CLCN3: variants seen among roughly 807,000 people sequenced by gnomAD.
CLCN3 encodes the protein Cl-/H+ antiporter 3.
CLCN3 carries 16 observed loss-of-function variants against 83.4 expected under a neutral mutation model. That is an observed-to-expected ratio of 0.19 (90% CI 0.13 to 0.29). CLCN3 has a LOEUF of 0.29. CLCN3 is among the 10% of genes least tolerant of loss of function. The probability of loss-of-function intolerance (pLI) is 1.00; values close to 1 mark genes in which losing one functional copy is unlikely to be tolerated. For missense variants in CLCN3, 544 were observed against 1,006.0 expected, an observed-to-expected ratio of 0.54 and a Z score of 6.21; for synonymous variants, 322 against 346.2, an observed-to-expected ratio of 0.93 and a Z score of 0.78.
chr4:169,713,064 TCTC>T lies in CLCN3; in HGVS notation c.2150-14_2150-12del. On this transcript the variant is annotated splice_polypyrimidine_tract_variant and intron_variant, in intron 11 of 12. Transcript: ENST00000513761. Reference sequence around the variant, plus strand: ...TATCAGTTTAAAAGTGTTGGTCTCTTCTCTCTCTTTTCAGAAAGTGCCAGGAAA... The same window carrying T: ...TATCAGTTTAAAAGTGTTGGTCTCTTTCTCTTTTCAGAAAGTGCCAGGAAA... 6.2e-7 allele frequency: 1 copy of T among 1,606,590 alleles called. No individual in the cohort carries two copies. The highest frequency in any genetic ancestry group is 8.5e-7 in the Non-Finnish European group (1 of 1,173,546).
chr4:169,720,219 T>A lies in CLCN3; in HGVS notation c.*222T>A, dbSNP rs923031600. The A allele has an allele frequency of 3.1e-6, 2 of 635,260 alleles. No individual in the cohort carries two copies. Among genetic ancestry groups the A allele is most frequent in the Admixed American group, 6.0e-5 (2 of 33,526 alleles). 39.4% of individuals were successfully genotyped at this position (635,260 alleles called of 1,614,324 possible). On this transcript the variant is annotated 3_prime_UTR_variant, in exon 13 of 13. Coordinates refer to ENST00000513761, the MANE Select transcript of CLCN3 (RefSeq NM_001829.4). Reference sequence around the variant, plus strand: ...AGAGAGAAGGAAAGGAGTGAGGTATTTCCCGTCTAACAGAAAGCAGCGTAT... The same window carrying A: ...AGAGAGAAGGAAAGGAGTGAGGTATATCCCGTCTAACAGAAAGCAGCGTAT...
At chr4:169,686,916 T>C (rs1732182591) in intron 3 of CLCN3, among the ~76,000 whole-genome samples, 1 of 152,162 alleles carries the variant, frequency 6.6e-6, no homozygotes, top group South Asian at 2.1e-4. Flanking sequence ...GAGGACACTT[T>C]TGCCTTACAC....
chr4:169,654,239 C>T (rs1730818150), intron 2 of CLCN3, among the ~76,000 whole-genome samples: 1 of 151,644 alleles, frequency 6.6e-6, no homozygotes, highest in South Asian at 2.1e-4. Flanking sequence ...CCTCTCCTTC[C>T]CTCCTCCTTT....
At chr4:169,700,743 C>G (rs1732754215) in intron 9 of CLCN3, among the ~76,000 whole-genome samples, 1 of 152,094 alleles carries the variant, frequency 6.6e-6, no homozygotes, top group South Asian at 2.1e-4. Context: ...TAAAGCAAGT[C>G]ACATAAAAGT....
At position 169,704,241 on chromosome 4, in the gene CLCN3, G is replaced by A. The variant is rs186681247; in HGVS notation, c.1750+57G>A. 3,197 of 1,516,248 alleles carry A rather than the reference G, an allele frequency of 2.1e-3. 13 individuals carry two copies. Among genetic ancestry groups the A allele is most frequent in the South Asian group, 8.5e-3 (712 of 83,316 alleles). 93.9% of individuals were successfully genotyped at this position (1,516,248 alleles called of 1,614,324 possible). On this transcript the variant is annotated intron_variant, in intron 10 of 12. Coordinates refer to ENST00000513761, the MANE Select transcript of CLCN3 (RefSeq NM_001829.4). ...GTTTGCAAGTCTGAGAGAGCCAAGA[G>A]AAAGTGGGACACATTCTTGCTTAAT...
intron 3 of CLCN3, among the ~76,000 whole-genome samples, chr4:169,681,823 A>C (rs1025185770): frequency 2.6e-5 from 4 of 152,234 alleles, no homozygotes; most frequent in African/African-American, 9.6e-5. Context: ...ATTGTGCTAC[A>C]TTTGTTATAA....
chr4:169,717,211 T>C (rs995312916), intron 12 of CLCN3, among the ~76,000 whole-genome samples: 2 of 152,180 alleles, frequency 1.3e-5, no homozygotes, highest in East Asian at 3.8e-4. Flanking sequence ...CTTTAAGAAG[T>C]GGCAGTCACA....
At chr4:169,632,836 A>C (rs774285414) in intron 1 of CLCN3, among the ~76,000 whole-genome samples, 2 of 151,582 alleles carry the variant, frequency 1.3e-5, no homozygotes, top group Non-Finnish European at 2.9e-5. Context: ...TGATTAAGAG[A>C]TGTTAACATG....
intron 10 of CLCN3, among the ~76,000 whole-genome samples, chr4:169,705,308 T>C (rs568452396): frequency 6.6e-6 from 1 of 152,306 alleles, no homozygotes; most frequent in Admixed American, 6.5e-5. Flanking sequence ...ATATTTTGGG[T>C]ACTTTTGGGA....
intron 2 of CLCN3, among the ~76,000 whole-genome samples, chr4:169,657,849 C>CATGG (rs1730931851): frequency 6.6e-6 from 1 of 152,124 alleles, no homozygotes; most frequent in Admixed American, 6.6e-5. Context: ...ATCTGGGCTC[C>CATGG]ACCCTGACTG....
intron 2 of CLCN3, among the ~76,000 whole-genome samples, chr4:169,658,308 A>G (rs17055080): frequency 1.5e-3 from 225 of 152,030 alleles, no homozygotes; most frequent in African/African-American, 5.0e-3. Context: ...AACTTTTACA[A>G]TATGAAGCAT....
intron 2 of CLCN3, 62 bp downstream of exon 2, chr4:169,636,150 CTA>C (rs1236576754): frequency 7.1e-7 from 1 of 1,400,592 alleles, no homozygotes; most frequent in Non-Finnish European, 9.7e-7. Flanking sequence ...AATATGTACA[CTA>C]TTTTATTGAG....
chr4:169,645,839 T>C (rs1364420937), intron 2 of CLCN3, among the ~76,000 whole-genome samples: 2 of 152,208 alleles, frequency 1.3e-5, no homozygotes, highest in Admixed American at 1.3e-4. Context: ...TCGTATGTAG[T>C]AAACTGGGTG....
At chr4:169,677,586 G>A (rs1731729478) in intron 2 of CLCN3, among the ~76,000 whole-genome samples, 1 of 152,130 alleles carries the variant, frequency 6.6e-6, no homozygotes, top group Non-Finnish European at 1.5e-5. Context: ...TAATTTATGG[G>A]TTTATTCAAG....
intron 2 of CLCN3, among the ~76,000 whole-genome samples, chr4:169,653,379 C>T (rs547695616): frequency 6.6e-5 from 10 of 152,006 alleles, no homozygotes; most frequent in Non-Finnish European, 1.5e-4. Flanking sequence ...GTGGCTCAAG[C>T]CTGTAATCCC....
At chr4:169,634,258 T>C (rs17545251) in intron 1 of CLCN3, among the ~76,000 whole-genome samples, 18,252 of 152,252 alleles carry the variant, frequency 0.12, 1,208 homozygotes, top group East Asian at 0.17. Context: ...TAGTGCTGTG[T>C]AGCCTCTAGC....
chr4:169,635,771 C>A, intron 1 of CLCN3, 142 bp from the exon 2 acceptor site: 1 of 509,344 alleles, frequency 2.0e-6, no homozygotes, highest in South Asian at 5.4e-5. Flanking sequence ...CCCCAAAATA[C>A]TTAATAAAGG....
At chr4:169,697,132 CAG>C (rs1452345435) in intron 8 of CLCN3, 55 bp from the exon 9 acceptor site, 1 of 1,251,898 alleles carries the variant, frequency 8.0e-7, no homozygotes, top group African/African-American at 1.5e-5. Flanking sequence ...TATAATATAT[CAG>C]AAACATCTTA....
chr4:169,672,231 T>TAGATAGATAGATAGAC (rs1731493362), intron 2 of CLCN3, among the ~76,000 whole-genome samples: 1 of 150,710 alleles, frequency 6.6e-6, no homozygotes, highest in African/African-American at 2.4e-5. Context: ...GATAGATAGA[T>TAGATAGATAGATAGAC]AGATAGATAG....
Sources: allele counts gnomAD v4.1 joint callset (sites outside exome capture counted in the v4.1 genomes callset), GRCh38; gene constraint gnomAD v4.1.1; transcripts MANE v1.5; gene names NCBI Gene and HGNC (gene_info 2026-07-23, HGNC 2026-07-21).